The following COL8A1 variants were observed in gnomAD, a reference collection of about 807,000 sequenced individuals.
COL8A1 encodes the protein collagen type VIII alpha 1 chain, also known as collagen alpha-1(VIII) chain.
COL8A1 carries 21 observed loss-of-function variants against 42.7 expected under a neutral mutation model. The observed-to-expected ratio is 0.49, with a 90% CI of 0.35 to 0.71. The LOEUF (loss-of-function observed/expected upper bound fraction) is 0.71, where lower values mean the gene tolerates loss of function less well. Ranked by LOEUF, COL8A1 falls within the 30% of genes least tolerant of loss-of-function variation. The pLI is 0.01. For synonymous variants in COL8A1, 367 were observed against 369.1 expected, an observed-to-expected ratio of 0.99 and a Z score of 0.06; for missense variants, 788 against 962.4, an observed-to-expected ratio of 0.82 and a Z score of 2.40.
chr3:99,696,599 T>C (rs1020642174), intron 1 of COL8A1, among the ~76,000 whole-genome samples: 3 of 152,184 alleles, frequency 2.0e-5, no homozygotes, highest in African/African-American at 4.8e-5. Context: ...CCAAAGGTGT[T>C]GGAGGCCTGT....
chr3:99,677,770 C>G (rs979018458), intron 1 of COL8A1: 1 of 152,110 alleles, frequency 6.6e-6, no homozygotes, highest in Non-Finnish European at 1.5e-5. Flanking sequence ...TACAGTTCCT[C>G]GCTCAGAACA....
At chr3:99,712,478 G>A (rs949787374) in intron 1 of COL8A1, among the ~76,000 whole-genome samples, 19 of 152,070 alleles carry the variant, frequency 1.2e-4, no homozygotes, top group African/African-American at 4.3e-4. Context: ...TCGGACATCC[G>A]GGCTCATGAT....
At chr3:99,722,622 T>C (rs1208313777) in intron 1 of COL8A1, among the ~76,000 whole-genome samples, 1 of 152,104 alleles carries the variant, frequency 6.6e-6, no homozygotes, top group Non-Finnish European at 1.5e-5. Context: ...TTAGAACATA[T>C]TCATAGAATT....
chr3:99,716,371 C>A (rs924156821), intron 1 of COL8A1, among the ~76,000 whole-genome samples: 2 of 151,930 alleles, frequency 1.3e-5, no homozygotes, highest in African/African-American at 4.8e-5. Flanking sequence ...GAGGCAGTTG[C>A]ACTGGAAAAA....
chr3:99,696,943 A>G (rs1939386996), intron 1 of COL8A1, among the ~76,000 whole-genome samples: 1 of 139,408 alleles, frequency 7.2e-6, no homozygotes, highest in South Asian at 2.3e-4. Flanking sequence ...AATTTAGTCC[A>G]TTTGCTATAA....
intron 1 of COL8A1, among the ~76,000 whole-genome samples, chr3:99,643,429 T>A (rs1322705342): frequency 6.6e-6 from 1 of 152,198 alleles, no homozygotes; most frequent in Non-Finnish European, 1.5e-5. Flanking sequence ...GCTCAGTAAA[T>A]CTGTGTTGAG....
intron 3 of COL8A1, among the ~76,000 whole-genome samples, chr3:99,791,840 G>C (rs1942006171): frequency 6.6e-6 from 1 of 152,194 alleles, no homozygotes; most frequent in South Asian, 2.1e-4. Context: ...AAATGAGAGA[G>C]ACCTAGTCAT....
intron 2 of COL8A1, among the ~76,000 whole-genome samples, chr3:99,774,031 G>T (rs1941644416): frequency 6.7e-6 from 1 of 149,446 alleles, no homozygotes; most frequent in African/African-American, 2.5e-5. Flanking sequence ...TTTTAGTAGA[G>T]ATGGGGGTTT....
chr3:99,786,194 A>G (rs1941892266), intron 2 of COL8A1, among the ~76,000 whole-genome samples: 1 of 152,142 alleles, frequency 6.6e-6, no homozygotes, highest in African/African-American at 2.4e-5. Flanking sequence ...TTTCCAAAAC[A>G]TCGGAGCTCT....
intron 2 of COL8A1, among the ~76,000 whole-genome samples, chr3:99,774,357 A>T (rs1031961379): frequency 6.6e-6 from 1 of 151,902 alleles, no homozygotes; most frequent in Non-Finnish European, 1.5e-5. Context: ...CATTTTTTTC[A>T]GTGTGCACCT....
chr3:99,776,792 G>A (rs1279464540), intron 2 of COL8A1, among the ~76,000 whole-genome samples: 7 of 152,188 alleles, frequency 4.6e-5, no homozygotes, highest in African/African-American at 1.7e-4. Flanking sequence ...AACAAGGGGT[G>A]GATTCATGAG....
At chr3:99,784,254 C>G in intron 2 of COL8A1, among the ~76,000 whole-genome samples, 1 of 152,152 alleles carries the variant, frequency 6.6e-6, no homozygotes, top group East Asian at 1.9e-4. Flanking sequence ...ACAGGAATAA[C>G]TGTATACAGT....
intron 1 of COL8A1, among the ~76,000 whole-genome samples, chr3:99,693,312 T>A (rs9833844): frequency 0.14 from 20,910 of 152,292 alleles, 1,656 homozygotes; most frequent in African/African-American, 0.21. Context: ...ATCATTATTT[T>A]AGAGTGTACT....
intron 1 of COL8A1, among the ~76,000 whole-genome samples, chr3:99,669,151 G>GGA (rs36015819): frequency 0.025 from 2,795 of 113,954 alleles, 48 homozygotes; most frequent in African/African-American, 0.031. Context: ...ATATATAGAG[G>GGA]GAGAGAGAGA....
chr3:99,731,655 A>T (rs1940512919), intron 1 of COL8A1, among the ~76,000 whole-genome samples: 1 of 152,150 alleles, frequency 6.6e-6, no homozygotes, highest in Non-Finnish European at 1.5e-5. Context: ...AGGTGTGTTT[A>T]AGGCAATTGC....
intron 1 of COL8A1, among the ~76,000 whole-genome samples, chr3:99,743,118 GT>G (rs1002194679): frequency 2.0e-5 from 3 of 152,078 alleles, no homozygotes; most frequent in Non-Finnish European, 4.4e-5. Flanking sequence ...AATCTGGAGA[GT>G]TTTTTTCATG....
intron 1 of COL8A1, among the ~76,000 whole-genome samples, chr3:99,740,940 T>C (rs1204446898): frequency 6.6e-5 from 10 of 152,190 alleles, no homozygotes; most frequent in Admixed American, 2.6e-4. Flanking sequence ...AATAGAACTG[T>C]AGTAAACATT....
rs575838433 is a variant in COL8A1, at chr3:99,795,875, T to C, written c.1974T>C (p.Pro658=). ...PQTGIFTCEV[P]GVYYFAYHVH... ...CAGGCATCTTCACCTGTGAGGTCCC[T>C]GGTGTCTACTACTTTGCATACCACG... The change falls in exon 4 of 4, where the codon CCT becomes CCC. Residue 658 remains proline, a synonymous_variant. Coordinates refer to ENST00000652472, the MANE Select transcript of COL8A1 (RefSeq NM_020351.4). 6.2e-7 allele frequency: 1 copy of C among 1,614,204 alleles called. No homozygotes were observed. Among genetic ancestry groups the C allele is most frequent in the East Asian group, 2.2e-5 (1 of 44,878 alleles).
At chr3:99,770,836 C>T (rs1199271713) in intron 2 of COL8A1, among the ~76,000 whole-genome samples, 1 of 152,134 alleles carries the variant, frequency 6.6e-6, no homozygotes, top group Non-Finnish European at 1.5e-5. Context: ...AGGAGATAGG[C>T]AATGAATAAA....
Sources: allele counts gnomAD v4.1 joint callset (sites outside exome capture counted in the v4.1 genomes callset), GRCh38; gene constraint gnomAD v4.1.1; transcripts MANE v1.5; gene names NCBI Gene and HGNC (gene_info 2026-07-23, HGNC 2026-07-21).